Variants in BRWD1 observed in about 807,000 individuals in gnomAD.
BRWD1 encodes the protein bromodomain and WD repeat domain containing 1.
In BRWD1, 82 loss-of-function variants were observed where a neutral mutation model predicts 251.2. The ratio of observed to expected loss-of-function variants is 0.33; its 90% CI spans 0.27 to 0.39. The LOEUF is 0.39. Among genes scored for constraint, BRWD1 ranks in the 10% least tolerant of loss-of-function variants. The pLI is 1.00. For missense variants in BRWD1, 2,233 were observed against 2,711.6 expected, an observed-to-expected ratio of 0.82 and a Z score of 3.92; for synonymous variants, 918 against 902.8, an observed-to-expected ratio of 1.02 and a Z score of -0.30.
intron 15 of BRWD1, among the ~76,000 whole-genome samples, chr21:39,268,526 A>G (rs1330611739): frequency 6.6e-6 from 1 of 152,180 alleles, no homozygotes; most frequent in Non-Finnish European, 1.5e-5. Context: ...GAAGGACACA[A>G]TATCACTTAT....
At chr21:39,312,424 GA>G (rs1048965923) in intron 4 of BRWD1, 3 of 163,018 alleles carry the variant, frequency 1.8e-5, no homozygotes, top group African/African-American at 7.2e-5. Context: ...TATTCCTAGG[GA>G]ACAAGTGGGG....
chr21:39,254,883 A>T (rs116541579), intron 19 of BRWD1, among the ~76,000 whole-genome samples: 1 of 152,210 alleles, frequency 6.6e-6, no homozygotes, highest in Admixed American at 6.5e-5. Flanking sequence ...AACTGAAAAC[A>T]TTTATGACAC....
chr21:39,201,376 T>C (rs1192226187), intron 38 of BRWD1, among the ~76,000 whole-genome samples: 1 of 152,192 alleles, frequency 6.6e-6, no homozygotes, highest in Non-Finnish European at 1.5e-5. Context: ...TTAATCTTCC[T>C]GAAACATAAT....
At chr21:39,255,582 A>G (rs930841457) in intron 19 of BRWD1, 63 bp downstream of exon 19, 2 of 1,374,850 alleles carry the variant, frequency 1.5e-6, no homozygotes, top group Non-Finnish European at 2.0e-6. Flanking sequence ...CAGAATGTGT[A>G]AATAACCATA....
chr21:39,229,254 A>C (rs1424365852), intron 26 of BRWD1, 58 bp downstream of exon 26: 2 of 1,417,782 alleles, frequency 1.4e-6, no homozygotes, highest in African/African-American at 2.9e-5. Flanking sequence ...CTAATCATTC[A>C]ATCAGCAAAA....
At chr21:39,280,354 C>G in intron 8 of BRWD1, 106 bp from the exon 9 acceptor site, 1 of 819,596 alleles carries the variant, frequency 1.2e-6, no homozygotes. Context: ...GAAATAAACA[C>G]ATGAAATCCA....
Position 39,193,552 on chromosome 21 carries a change from T to A in BRWD1, c.*2707A>T, listed in dbSNP as rs2031661235. ...TCAAATCTGAGTACTTCAAAGCCTGTAAAACCATAAATGAATAAAACCATA... is the reference window on the plus strand; with the variant it reads ...TCAAATCTGAGTACTTCAAAGCCTGAAAAACCATAAATGAATAAAACCATA... On this transcript the variant is annotated 3_prime_UTR_variant, in exon 41 of 41. Transcript: ENST00000342449. 1 of 985,586 alleles carries A rather than the reference T, an allele frequency of 1.0e-6. No homozygotes were observed. The highest frequency in any genetic ancestry group is 1.2e-6 in the Non-Finnish European group (1 of 829,748). The allele number at this position is 985,586 out of a possible 1,614,324, so 61.1% of individuals were successfully genotyped here. A position where few individuals can be genotyped will look rare whatever the true frequency, so the allele number is the denominator to read the frequency against.
At chr21:39,292,242 C>T (rs1048346604) in intron 8 of BRWD1, among the ~76,000 whole-genome samples, 11 of 151,712 alleles carry the variant, frequency 7.3e-5, no homozygotes, top group Admixed American at 4.6e-4. Flanking sequence ...CATGAGCCAT[C>T]GCTAGGCACA....
intron 15 of BRWD1, among the ~76,000 whole-genome samples, chr21:39,267,233 T>C (rs893877346): frequency 3.3e-5 from 5 of 152,186 alleles, no homozygotes; most frequent in African/African-American, 1.2e-4. Context: ...ATCAAAGGTC[T>C]AAGAACCTGA....
intron 27 of BRWD1, among the ~76,000 whole-genome samples, chr21:39,227,673 A>T (rs1278634720): frequency 6.6e-6 from 1 of 152,174 alleles, no homozygotes; most frequent in Non-Finnish European, 1.5e-5. Flanking sequence ...AGTGTATATG[A>T]ATTTTTTATT....
intron 8 of BRWD1, among the ~76,000 whole-genome samples, chr21:39,284,686 A>G (rs992283430): frequency 1.3e-5 from 2 of 152,224 alleles, no homozygotes; most frequent in Non-Finnish European, 2.9e-5. Context: ...AGTGATGTTA[A>G]GCATATTTTC....
At chr21:39,230,398 A>G (rs2033564367) in intron 25 of BRWD1, among the ~76,000 whole-genome samples, 1 of 152,212 alleles carries the variant, frequency 6.6e-6, no homozygotes, top group South Asian at 2.1e-4. Context: ...CATAGTTTTC[A>G]TTATTCACAG....
At chr21:39,209,974 A>G in intron 36 of BRWD1, 21 bp downstream of exon 36, 1 of 1,605,066 alleles carries the variant, frequency 6.2e-7, no homozygotes, top group Non-Finnish European at 8.5e-7. Context: ...GTTTTTTTCA[A>G]TAAACCACAT....
chr21:39,281,242 C>T (rs1346347756), intron 8 of BRWD1, among the ~76,000 whole-genome samples: 1 of 152,052 alleles, frequency 6.6e-6, no homozygotes, highest in Admixed American at 6.6e-5. Context: ...ATTTGTCTTA[C>T]AGCAATATAC....
chr21:39,240,911 T>C (rs80091435), intron 21 of BRWD1, among the ~76,000 whole-genome samples: 10 of 151,786 alleles, frequency 6.6e-5, no homozygotes, highest in Non-Finnish European at 1.3e-4. Flanking sequence ...TTTTTTTTTT[T>C]GTTTTTTGAG....
At chr21:39,205,609 T>C (rs546221758) in intron 37 of BRWD1, among the ~76,000 whole-genome samples, 2 of 151,708 alleles carry the variant, frequency 1.3e-5, no homozygotes, top group Admixed American at 1.3e-4. Context: ...CTGTCTCTAC[T>C]AAAATACAAA....
Position 39,250,904 on chromosome 21 carries a change from A to C in BRWD1, c.2256-15T>G. On this transcript the variant is annotated splice_polypyrimidine_tract_variant and intron_variant, in intron 19 of 40. Transcript: ENST00000342449. ...CTTCCAGCTTCCTACAAATTTAAAT[A>C]CCCAGTTATATTAACTACTGAACTG... is the stretch of plus-strand genomic sequence containing the variant. 8 of 1,506,624 alleles carry C rather than the reference A, an allele frequency of 5.3e-6. No individual in the cohort carries two copies. The highest frequency in any genetic ancestry group is 7.3e-6 in the Non-Finnish European group (8 of 1,096,746). The allele number at this position is 1,506,624 out of a possible 1,614,324, so 93.3% of individuals were successfully genotyped here.
chr21:39,278,547 AC>A (rs2035350586), intron 10 of BRWD1, 195 bp downstream of exon 10: 1 of 524,282 alleles, frequency 1.9e-6, no homozygotes, highest in Non-Finnish European at 3.4e-6. Context: ...ACTGATTACT[AC>A]CAGAAATCAG....
chr21:39,210,671 C>A (rs1191673560), intron 35 of BRWD1, 115 bp downstream of exon 35: 21 of 1,273,564 alleles, frequency 1.6e-5, no homozygotes, highest in Non-Finnish European at 2.2e-5. Context: ...GTGATAGGAG[C>A]AAAAAAGTTA....
Sources: allele counts gnomAD v4.1 joint callset (sites outside exome capture counted in the v4.1 genomes callset), GRCh38; gene constraint gnomAD v4.1.1; transcripts MANE v1.5; gene names NCBI Gene and HGNC (gene_info 2026-07-23, HGNC 2026-07-21).